Variants in DGKB observed in about 807,000 individuals in gnomAD.
DGKB encodes the protein diacylglycerol kinase beta.
Under a neutral mutation model 114.3 loss-of-function variants are expected in DGKB, and 67 were observed. The observed-to-expected ratio is 0.59, with a 90% CI of 0.48 to 0.72. The LOEUF (loss-of-function observed/expected upper bound fraction) is 0.72, where lower values mean the gene tolerates loss of function less well. DGKB is among the 30% of genes least tolerant of loss of function. The pLI, the probability that DGKB is intolerant of heterozygous loss-of-function variation, is 0.00. For synonymous variants in DGKB, 398 were observed against 323.1 expected (o/e 1.23, Z -2.49); for missense variants, 907 against 975.2 (o/e 0.93, Z 0.93).
At chr7:14,380,660 TAAG>T (rs1339992658) in intron 21 of DGKB, among the ~76,000 whole-genome samples, 1 of 152,230 alleles carries the variant, frequency 6.6e-6, no homozygotes, top group South Asian at 2.1e-4. Flanking sequence ...AATTTAATAA[TAAG>T]GAGTATTCAT....
chr7:14,275,608 C>A (rs866047563), intron 23 of DGKB, among the ~76,000 whole-genome samples: 1 of 152,292 alleles, frequency 6.6e-6, no homozygotes, highest in African/African-American at 2.4e-5. Flanking sequence ...TCTCTGCTCG[C>A]TAGAAAGGCC....
intron 23 of DGKB, among the ~76,000 whole-genome samples, chr7:14,228,157 A>AT (rs1272421406): frequency 6.6e-6 from 1 of 151,876 alleles, no homozygotes; most frequent in Non-Finnish European, 1.5e-5. Flanking sequence ...TGATGACAAG[A>AT]TTTTTCATCA....
chr7:14,901,194 C>T (rs1224553886), intron 1 of DGKB, among the ~76,000 whole-genome samples: 1 of 152,046 alleles, frequency 6.6e-6, no homozygotes, highest in Admixed American at 6.6e-5. Context: ...TGGAGATCCC[C>T]GTGATGAGTA....
intron 20 of DGKB, among the ~76,000 whole-genome samples, chr7:14,541,473 G>A (rs572972526): frequency 6.6e-6 from 1 of 152,302 alleles, no homozygotes; most frequent in Admixed American, 6.5e-5. Context: ...GTCATAAACA[G>A]ATAAAATATC....
intron 2 of DGKB, among the ~76,000 whole-genome samples, chr7:14,822,924 T>C (rs1257959502): frequency 1.3e-5 from 2 of 152,104 alleles, no homozygotes; most frequent in Non-Finnish European, 2.9e-5. Flanking sequence ...TCTTCAAATA[T>C]ATTTTTCTAC....
chr7:14,812,764 T>C (rs1242005010), intron 2 of DGKB, among the ~76,000 whole-genome samples: 2 of 152,318 alleles, frequency 1.3e-5, no homozygotes, highest in East Asian at 3.9e-4. Context: ...CTATTCTTGG[T>C]ATTAAAAACT....
rs1584757242 is a variant in DGKB, at chr7:14,551,489, A to G, written c.1770+22723T>C. 1.3e-5 allele frequency among the ~76,000 whole-genome samples: 2 copies of G among 152,292 alleles called. 1 individual carries two copies. Among genetic ancestry groups the G allele is most frequent in the East Asian group, 3.9e-4 (2 of 5,178 alleles). On this transcript the variant is annotated intron_variant, in intron 20 of 25. Coordinates refer to ENST00000402815, the MANE Select transcript of DGKB (RefSeq NM_001350709.2). The stretch of plus-strand genomic sequence containing the variant: ...CTCGCAGTGCTGACTTCTGTGTTGA[A>G]GAGTGTCCAAATTGGAACTTACTGG...
intron 21 of DGKB, among the ~76,000 whole-genome samples, chr7:14,429,594 G>T (rs1230252997): frequency 2.0e-5 from 3 of 152,128 alleles, no homozygotes; most frequent in Non-Finnish European, 4.4e-5. Context: ...TCTTCACTCT[G>T]CGCCCTTTCC....
chr7:14,453,044 T>C (rs190021624), intron 21 of DGKB, among the ~76,000 whole-genome samples: 229 of 152,288 alleles, frequency 1.5e-3, no homozygotes, highest in Middle Eastern at 6.8e-3. Context: ...GAAATGGAAA[T>C]AGCAATGGCT....
At chr7:14,222,877 T>C (rs768580417) in intron 23 of DGKB, among the ~76,000 whole-genome samples, 1 of 151,648 alleles carries the variant, frequency 6.6e-6, no homozygotes, top group Admixed American at 6.6e-5. Flanking sequence ...TACTGAAGGA[T>C]TGACGATCAT....
chr7:14,870,339 AAC>A (rs1852270887), intron 1 of DGKB, among the ~76,000 whole-genome samples: 1 of 152,224 alleles, frequency 6.6e-6, no homozygotes, highest in African/African-American at 2.4e-5. Flanking sequence ...GAAAAGAGTA[AAC>A]ACATAATTAA....
intron 20 of DGKB, among the ~76,000 whole-genome samples, chr7:14,509,612 C>T (rs1252995942): frequency 5.3e-5 from 8 of 152,202 alleles, no homozygotes. Context: ...AATCCTTTTC[C>T]TCATCGGTTC....
At chr7:14,882,177 T>C (rs1240330263) in intron 1 of DGKB, among the ~76,000 whole-genome samples, 1 of 151,792 alleles carries the variant, frequency 6.6e-6, no homozygotes, top group Non-Finnish European at 1.5e-5. Flanking sequence ...AGAAAGTAAA[T>C]ATGGATATAT....
At chr7:14,894,130 A>G (rs1562835189) in intron 1 of DGKB, among the ~76,000 whole-genome samples, 1 of 151,394 alleles carries the variant, frequency 6.6e-6, no homozygotes, top group Non-Finnish European at 1.5e-5. Context: ...AGGGAAGTTT[A>G]TACTAAATCC....
intron 17 of DGKB, among the ~76,000 whole-genome samples, chr7:14,605,864 C>T (rs1413486263): frequency 1.3e-5 from 2 of 152,046 alleles, no homozygotes; most frequent in African/African-American, 2.4e-5. Context: ...TTGTTATTTG[C>T]TTCATAGGCA....
chr7:14,704,594 G>C (rs971825663), intron 6 of DGKB, among the ~76,000 whole-genome samples: 14 of 152,034 alleles, frequency 9.2e-5, no homozygotes, highest in Admixed American at 4.6e-4. Context: ...AGGGAGCAGT[G>C]GTTCTCCCAG....
chr7:14,209,896 CT>C (rs35178096), intron 23 of DGKB, among the ~76,000 whole-genome samples: 69,489 of 146,162 alleles, frequency 0.48, 18,755 homozygotes, highest in African/African-American at 0.76. Context: ...CTATGGCTGT[CT>C]TTTTTTTTTT....
chr7:14,267,142 T>G (rs769046124), intron 23 of DGKB, among the ~76,000 whole-genome samples: 1 of 152,198 alleles, frequency 6.6e-6, no homozygotes, highest in East Asian at 1.9e-4. Context: ...TCTTAGAAGA[T>G]TCTATGACTG....
At chr7:14,168,511 A>G (rs539250854) in intron 25 of DGKB, among the ~76,000 whole-genome samples, 1 of 152,358 alleles carries the variant, frequency 6.6e-6, no homozygotes, top group South Asian at 2.1e-4. Context: ...CAGACTCATC[A>G]AAGTCCAACT....
Sources: allele counts gnomAD v4.1 joint callset (sites outside exome capture counted in the v4.1 genomes callset), GRCh38; gene constraint gnomAD v4.1.1; transcripts MANE v1.5; gene names NCBI Gene and HGNC (gene_info 2026-07-23, HGNC 2026-07-21).